Variants in VWC2L observed in about 807,000 individuals in gnomAD.
The protein encoded by VWC2L is von Willebrand factor C domain-containing protein 2-like.
In VWC2L, 10 loss-of-function variants were observed where a neutral mutation model predicts 21.6. The observed-to-expected ratio is 0.46, with a 90% CI of 0.29 to 0.78. The LOEUF (loss-of-function observed/expected upper bound fraction) is 0.78, where lower values mean the gene tolerates loss of function less well. Ranked by LOEUF, VWC2L falls within the 30% of genes least tolerant of loss-of-function variation. The pLI is 0.10. For missense variants in VWC2L, 209 were observed against 277.1 expected, an observed-to-expected ratio of 0.75 and a Z score of 1.74; for synonymous variants, 96 against 94.3, an observed-to-expected ratio of 1.02 and a Z score of -0.10.
intron 3 of VWC2L, among the ~76,000 whole-genome samples, chr2:214,449,764 A>G (rs1702926163): frequency 6.6e-6 from 1 of 152,208 alleles, no homozygotes; most frequent in Non-Finnish European, 1.5e-5. Context: ...TCCTGCATAC[A>G]TACTTATTTT....
chr2:214,461,688 T>C (rs536218927), intron 3 of VWC2L, among the ~76,000 whole-genome samples: 1 of 152,240 alleles, frequency 6.6e-6, no homozygotes, highest in South Asian at 2.1e-4. Flanking sequence ...GGTAACTCTG[T>C]CCTCAAGCTC....
chr2:214,575,866 G>A lies in VWC2L; in HGVS notation c.*46G>A, dbSNP rs1208120940. 6.3e-7 allele frequency: 1 copy of A among 1,575,564 alleles called. No individual in the cohort carries two copies. The highest frequency in any genetic ancestry group is 8.7e-7 in the Non-Finnish European group (1 of 1,153,444). On this transcript the variant is annotated 3_prime_UTR_variant, in exon 4 of 4. Coordinates refer to ENST00000312504, the MANE Select transcript of VWC2L (RefSeq NM_001080500.4). ...TGAGTTCTTAGGAAAGGATGCTATGGCTTCAACACTGCACATGTTTAACAC... is the reference window on the plus strand; with the variant it reads ...TGAGTTCTTAGGAAAGGATGCTATGACTTCAACACTGCACATGTTTAACAC...
intron 3 of VWC2L, among the ~76,000 whole-genome samples, chr2:214,557,687 C>T (rs1689894755): frequency 6.6e-6 from 1 of 152,106 alleles, no homozygotes; most frequent in South Asian, 2.1e-4. Context: ...AGATTAGGGC[C>T]CCTCCTACTG....
At chr2:214,417,048 A>G (rs1215126954) in intron 2 of VWC2L, among the ~76,000 whole-genome samples, 1 of 152,128 alleles carries the variant, frequency 6.6e-6, no homozygotes, top group Non-Finnish European at 1.5e-5. Context: ...CCTATGAACC[A>G]TACAACTCTA....
At chr2:214,455,778 C>T (rs1020906621) in intron 3 of VWC2L, among the ~76,000 whole-genome samples, 2 of 152,190 alleles carry the variant, frequency 1.3e-5, no homozygotes, top group Non-Finnish European at 2.9e-5. Flanking sequence ...TTAGCTCCCA[C>T]ATGTAAGTGT....
At chr2:214,530,436 A>G (rs1264705013) in intron 3 of VWC2L, among the ~76,000 whole-genome samples, 3 of 152,176 alleles carry the variant, frequency 2.0e-5, no homozygotes, top group Non-Finnish European at 4.4e-5. Context: ...ATTTGCTTAC[A>G]ATACACATTA....
chr2:214,450,974 A>G (rs1020943249), intron 3 of VWC2L, among the ~76,000 whole-genome samples: 1 of 152,148 alleles, frequency 6.6e-6, no homozygotes, highest in African/African-American at 2.4e-5. Flanking sequence ...GCTGAAGCTG[A>G]GCTAAAATAA....
chr2:214,530,698 G>T (rs1490708502), intron 3 of VWC2L, among the ~76,000 whole-genome samples: 1 of 152,118 alleles, frequency 6.6e-6, no homozygotes, highest in Non-Finnish European at 1.5e-5. Context: ...ACTTGTACAA[G>T]CTCTGAAAAT....
intron 2 of VWC2L, among the ~76,000 whole-genome samples, chr2:214,425,303 C>G (rs147373016): frequency 6.6e-6 from 1 of 152,112 alleles, no homozygotes; most frequent in Non-Finnish European, 1.5e-5. Context: ...TTAATCAGTG[C>G]GTGGTCTCAG....
At chr2:214,504,725 T>C (rs1688943491) in intron 3 of VWC2L, among the ~76,000 whole-genome samples, 1 of 152,120 alleles carries the variant, frequency 6.6e-6, no homozygotes, top group Non-Finnish European at 1.5e-5. Flanking sequence ...AATCCAGTGC[T>C]TCATGATTGC....
At chr2:214,468,228 G>A (rs1173204048) in intron 3 of VWC2L, among the ~76,000 whole-genome samples, 1 of 152,174 alleles carries the variant, frequency 6.6e-6, no homozygotes, top group African/African-American at 2.4e-5. Context: ...TGTTGGCCAA[G>A]CTGGTCTCGA....
intron 3 of VWC2L, among the ~76,000 whole-genome samples, chr2:214,567,360 G>T (rs1259007381): frequency 2.0e-5 from 3 of 152,038 alleles, no homozygotes. Context: ...TAACAACCTG[G>T]CTGCCTTCCA....
chr2:214,507,811 A>G (rs1283385825), intron 3 of VWC2L, among the ~76,000 whole-genome samples: 1 of 152,206 alleles, frequency 6.6e-6, no homozygotes, highest in Non-Finnish European at 1.5e-5. Flanking sequence ...TAGATGGCAC[A>G]TAGCCTGCTT....
At chr2:214,559,171 G>T (rs1360913553) in intron 3 of VWC2L, among the ~76,000 whole-genome samples, 1 of 151,814 alleles carries the variant, frequency 6.6e-6, no homozygotes, top group Admixed American at 6.6e-5. Flanking sequence ...TCACAAAGTG[G>T]GCGAAGGACA....
chr2:214,479,435 T>C (rs892311743), intron 3 of VWC2L, among the ~76,000 whole-genome samples: 2 of 152,260 alleles, frequency 1.3e-5, no homozygotes, highest in Admixed American at 1.3e-4. Context: ...TTTGTACCCA[T>C]CAAAAAGAAG....
chr2:214,444,393 A>G (rs868485032), intron 3 of VWC2L, among the ~76,000 whole-genome samples: 8 of 152,056 alleles, frequency 5.3e-5, no homozygotes, highest in African/African-American at 1.9e-4. Flanking sequence ...TTGGGGGGAT[A>G]CATATTTTAC....
chr2:214,495,507 T>C (rs1446640326), intron 3 of VWC2L, among the ~76,000 whole-genome samples: 6 of 152,190 alleles, frequency 3.9e-5, no homozygotes, highest in Non-Finnish European at 8.8e-5. Flanking sequence ...TTTTGCCCAG[T>C]TGATGGACTA....
intron 3 of VWC2L, among the ~76,000 whole-genome samples, chr2:214,558,472 A>G (rs1191447157): frequency 1.3e-5 from 2 of 152,198 alleles, no homozygotes; most frequent in Non-Finnish European, 2.9e-5. Context: ...CCCCTTCTCC[A>G]GCATTCCATA....
At chr2:214,518,765 C>T (rs11678147) in intron 3 of VWC2L, among the ~76,000 whole-genome samples, 22,281 of 152,142 alleles carry the variant, frequency 0.15, 1,952 homozygotes, top group East Asian at 0.27. Flanking sequence ...AAGACTCTAT[C>T]CCCAAAAGAA....
Sources: allele counts gnomAD v4.1 joint callset (sites outside exome capture counted in the v4.1 genomes callset), GRCh38; gene constraint gnomAD v4.1.1; transcripts MANE v1.5; gene names NCBI Gene and HGNC (gene_info 2026-07-23, HGNC 2026-07-21).